The following AGBL1 variants were observed in gnomAD, a reference collection of about 807,000 sequenced individuals.
AGBL1 encodes the protein cytosolic carboxypeptidase 4.
AGBL1 carries 130 observed loss-of-function variants against 118.9 expected under a neutral mutation model. That is an observed-to-expected ratio of 1.09 (90% CI 0.95 to 1.26). The LOEUF (loss-of-function observed/expected upper bound fraction) is 1.26. Ranked by LOEUF, AGBL1 falls within the 50% of genes most tolerant of loss-of-function variation. AGBL1 has a pLI of 0.00. For missense variants in AGBL1, 1,584 were observed against 1,298.1 expected (o/e 1.22, Z -3.38); for synonymous variants, 555 against 478.9 (o/e 1.16, Z -2.08).
intron 17 of AGBL1, among the ~76,000 whole-genome samples, chr15:86,317,738 C>T (rs1567196205): frequency 6.6e-6 from 1 of 152,164 alleles, no homozygotes; most frequent in Non-Finnish European, 1.5e-5. Flanking sequence ...TCTTTTTCAA[C>T]TACTGAGCTC....
At chr15:86,293,742 C>A (rs1019149143) in intron 16 of AGBL1, among the ~76,000 whole-genome samples, 1 of 152,136 alleles carries the variant, frequency 6.6e-6, no homozygotes, top group African/African-American at 2.4e-5. Flanking sequence ...GACACTACTT[C>A]CCTTTCCATA....
At chr15:86,758,328 A>C (rs11073670) in intron 22 of AGBL1, among the ~76,000 whole-genome samples, 3 of 151,646 alleles carry the variant, frequency 2.0e-5, no homozygotes, top group Admixed American at 1.3e-4. Flanking sequence ...TTCATAATCT[A>C]CTCATTATCT....
chr15:86,520,710 G>C (rs2083178221), intron 18 of AGBL1, among the ~76,000 whole-genome samples: 1 of 152,122 alleles, frequency 6.6e-6, no homozygotes, highest in Non-Finnish European at 1.5e-5. Flanking sequence ...GTCACAGTCA[G>C]TGTTACAAAG....
rs187622260 is a variant in AGBL1 at position 87,028,529 on chromosome 15, A to G, written c.3324-296A>G. Among the ~76,000 whole-genome samples the G allele has an allele frequency of 1.5e-3, 228 of 152,046 alleles. No individual in the cohort carries two copies. The Middle Eastern group carries it at 0.027, about 18-fold the overall frequency. On this transcript the variant is annotated intron_variant, in intron 24 of 24. Transcript: ENST00000441037. Reference sequence around the variant, plus strand: ...TTACCTAATGACTTTATATTTTTAAATCATCCATTCATTAAAAAAAATGTA... The same window carrying G: ...TTACCTAATGACTTTATATTTTTAAGTCATCCATTCATTAAAAAAAATGTA...
intron 18 of AGBL1, among the ~76,000 whole-genome samples, chr15:86,465,941 C>T (rs1239891005): frequency 6.6e-6 from 1 of 152,190 alleles, no homozygotes; most frequent in South Asian, 2.1e-4. Context: ...CACCCCTCCC[C>T]TTTTGAAAAT....
intron 24 of AGBL1, among the ~76,000 whole-genome samples, chr15:86,995,914 A>C (rs1445169284): frequency 6.6e-6 from 1 of 152,190 alleles, no homozygotes; most frequent in African/African-American, 2.4e-5. Context: ...ATTTTATGAC[A>C]CCACTGCCTA....
At chr15:86,546,795 A>T (rs2083589787) in intron 20 of AGBL1, among the ~76,000 whole-genome samples, 1 of 152,206 alleles carries the variant, frequency 6.6e-6, no homozygotes, top group Admixed American at 6.6e-5. Context: ...CATCAGGATA[A>T]AGGCAACAAG....
chr15:86,714,453 G>C (rs1641760004), intron 22 of AGBL1, among the ~76,000 whole-genome samples: 1 of 152,130 alleles, frequency 6.6e-6, no homozygotes, highest in African/African-American at 2.4e-5. Flanking sequence ...TAAACTCTAG[G>C]GGATTTGGAG....
intron 21 of AGBL1, among the ~76,000 whole-genome samples, chr15:86,672,531 C>T (rs1167397129): frequency 1.3e-5 from 2 of 152,180 alleles, no homozygotes; most frequent in Non-Finnish European, 2.9e-5. Context: ...CAGAGTCTTA[C>T]TCTCATTCCC....
At chr15:86,779,264 C>T (rs2078299088) in intron 22 of AGBL1, among the ~76,000 whole-genome samples, 1 of 152,226 alleles carries the variant, frequency 6.6e-6, no homozygotes, top group Non-Finnish European at 1.5e-5. Context: ...AGGAGACAGG[C>T]CTCACCAGAC....
chr15:86,216,102 T>A (rs565580755), intron 5 of AGBL1, among the ~76,000 whole-genome samples: 27 of 152,358 alleles, frequency 1.8e-4, no homozygotes, highest in Admixed American at 7.8e-4. Flanking sequence ...TAATCTGTTA[T>A]CATGGCCACC....
intron 23 of AGBL1, among the ~76,000 whole-genome samples, chr15:86,929,026 C>T (rs977604000): frequency 3.3e-5 from 5 of 151,956 alleles, no homozygotes; most frequent in African/African-American, 4.8e-5. Flanking sequence ...TTTTTTCAAA[C>T]TCCCTGTCTC....
chr15:86,257,539 A>G (rs1353243132), intron 8 of AGBL1, among the ~76,000 whole-genome samples: 1 of 152,200 alleles, frequency 6.6e-6, no homozygotes, highest in East Asian at 1.9e-4. Context: ...GATGCCTTCT[A>G]TGGACTTTTG....
chr15:86,335,144 T>TA (rs2080343005), intron 17 of AGBL1, among the ~76,000 whole-genome samples: 1 of 150,602 alleles, frequency 6.6e-6, no homozygotes, highest in African/African-American at 2.4e-5. Context: ...TTAAGTTATT[T>TA]TTTTTTTTTT....
rs763170365 is a variant in AGBL1 at position 86,522,845 on chromosome 15, G to C, written c.2591G>C (p.Arg864Thr). ...RCSLSGEDLN[R>T]QWLSPSAHLQ... is the part of the protein sequence containing the mutation. ...TCACTGAGCGGGGAAGATTTGAACA[G>C]ACAATGGCTTTCTCCCAGTGCTCAT... The change falls in exon 19 of 23, where the codon AGA becomes ACA. Residue 864 changes from arginine (R) to threonine (T), a missense_variant. By Grantham distance (71) the Arg-to-Thr change is moderately conservative. Coordinates refer to ENST00000614907, the MANE Select transcript of AGBL1 (RefSeq NM_001386094.1). 6.2e-7 allele frequency: 1 copy of C among 1,613,810 alleles called. No homozygotes were observed. Among genetic ancestry groups the C allele is most frequent in the South Asian group, 1.1e-5 (1 of 91,088 alleles).
rs145208734 is a variant in AGBL1 at position 86,301,882 on chromosome 15, G to T, written c.2374+6474G>T. Among the ~76,000 whole-genome samples the T allele has an allele frequency of 5.9e-5, 9 of 152,236 alleles. No individual in the cohort carries two copies. In the East Asian group the frequency reaches 1.7e-3, roughly 29 times the overall value. On this transcript the variant is annotated intron_variant, in intron 17 of 22. Transcript: ENST00000614907. ...TGACACAGCTTTGCTTTCAAAGAAAGCTCAGTTGGCAATCCAAAAACTATT... is the reference window on the plus strand; with the variant it reads ...TGACACAGCTTTGCTTTCAAAGAAATCTCAGTTGGCAATCCAAAAACTATT...
chr15:86,499,905 A>G (rs562973319), intron 18 of AGBL1, among the ~76,000 whole-genome samples: 1 of 151,878 alleles, frequency 6.6e-6, no homozygotes, highest in Non-Finnish European at 1.5e-5. Context: ...CTCCTTCTTC[A>G]GTGAGATCAA....
chr15:86,512,560 T>C (rs947162154), intron 18 of AGBL1, among the ~76,000 whole-genome samples: 1 of 151,890 alleles, frequency 6.6e-6, no homozygotes, highest in African/African-American at 2.4e-5. Context: ...AGTTTCTTTT[T>C]CTTTAAAATC....
intron 22 of AGBL1, among the ~76,000 whole-genome samples, chr15:86,891,255 A>C (rs145878817): frequency 6.8e-4 from 104 of 152,184 alleles, no homozygotes; most frequent in Middle Eastern, 3.4e-3. Context: ...ACTTTGCTGA[A>C]ATTTCTTATC....
Sources: gnomAD v4.1 joint callset for allele counts (sites outside exome capture counted in the v4.1 genomes callset) on GRCh38, gnomAD v4.1.1 for gene constraint, MANE v1.5 for transcripts, NCBI Gene and HGNC (gene_info 2026-07-23, HGNC 2026-07-21) for gene names.